MORN1: variants seen among roughly 807,000 people sequenced by gnomAD.
The protein encoded by MORN1 is MORN repeat-containing protein 1.
MORN1 carries 67 observed loss-of-function variants against 61.9 expected under a neutral mutation model. The ratio of observed to expected loss-of-function variants is 1.08; its 90% confidence interval spans 0.89 to 1.33. MORN1 has a LOEUF of 1.33. MORN1 is among the 40% of genes most tolerant of loss of function. MORN1 has a pLI of 0.00. For missense variants in MORN1, 752 were observed against 691.2 expected (o/e 1.09, Z -0.99); for synonymous variants, 301 against 292.0 (o/e 1.03, Z -0.31).
intron 12 of MORN1, chr1:2,326,326 GAGA>G (rs1641025493): frequency 6.6e-6 from 1 of 152,220 alleles, no homozygotes; most frequent in African/African-American, 2.4e-5. Flanking sequence ...ATTCAGCACC[GAGA>G]AGAACTAGTC....
chr1:2,323,666 G>A lies in MORN1; in HGVS notation c.1297+431C>T, dbSNP rs977673048. ...TTGCTGTCCCCACAGCAGCCCCCAC[G>A]CTGGGAGGAGCCTTCCGCCCAGCCC... On this transcript the variant is annotated intron_variant, in intron 13 of 13. Transcript: ENST00000378531. 39 of 985,032 alleles carry A rather than the reference G, an allele frequency of 4.0e-5. No individual in the cohort carries two copies. The Admixed American group carries it at 5.5e-4, about 14-fold the overall frequency. The allele number at this position is 985,032 out of a possible 1,614,324, so 61.0% of individuals were successfully genotyped here.
rs1641307043 is a variant in MORN1, at chr1:2,337,546, ACAGATGGAGCTGCAGCCCC to A, written c.1037-715_1037-697del. Among the ~76,000 whole-genome samples the A allele has an allele frequency of 6.6e-6, 1 of 152,138 alleles. No individual in the cohort carries two copies. Among genetic ancestry groups the A allele is most frequent in the African/African-American group, 2.4e-5 (1 of 41,426 alleles). On this transcript the variant is annotated intron_variant, in intron 10 of 13. Coordinates refer to ENST00000378531, the MANE Select transcript of MORN1 (RefSeq NM_024848.3). The surrounding 1 kb of genome is among the most constrained non-coding windows in gnomAD (Gnocchi z 5.7). ...GGCTCCCCTCTGGCTTCCCCCACGCACAGATGGAGCTGCAGCCCCCAGGGCCCACCCTGCTGTCTCTTTT... is the reference window on the plus strand; with the variant it reads ...GGCTCCCCTCTGGCTTCCCCCACGCACAGGGCCCACCCTGCTGTCTCTTTT...
chr1:2,370,628 T>C (rs2100333520), intron 8 of MORN1, among the ~76,000 whole-genome samples: 1 of 152,172 alleles, frequency 6.6e-6, no homozygotes, highest in Admixed American at 6.5e-5. Flanking sequence ...TAAAGAACTC[T>C]ATAGCTAAAA....
intron 12 of MORN1, among the ~76,000 whole-genome samples, chr1:2,333,551 C>T (rs1185557637): frequency 1.3e-5 from 2 of 152,198 alleles, no homozygotes; most frequent in Admixed American, 6.5e-5. Context: ...AGGGAGGTCT[C>T]GGACCTCAGG....
chr1:2,350,818 C>T (rs1641628677), intron 10 of MORN1: 1 of 152,258 alleles, frequency 6.6e-6, no homozygotes, highest in African/African-American at 2.4e-5. Flanking sequence ...CCCCGGCTGT[C>T]GCCCTGAGCT....
intron 8 of MORN1, chr1:2,362,995 G>C (rs1476001869): frequency 2.0e-5 from 3 of 152,198 alleles, no homozygotes; most frequent in Non-Finnish European, 4.4e-5. Flanking sequence ...AGAGCAGATG[G>C]AAATATGGAC....
intron 2 of MORN1, among the ~76,000 whole-genome samples, chr1:2,389,178 G>A (rs1642583260): frequency 6.6e-6 from 1 of 152,178 alleles, no homozygotes; most frequent in African/African-American, 2.4e-5. Context: ...TGCGTGAGAG[G>A]AGTACAGTGG....
At chr1:2,342,622 C>G (rs1387715758) in intron 10 of MORN1, among the ~76,000 whole-genome samples, 1 of 152,000 alleles carries the variant, frequency 6.6e-6, no homozygotes, top group Non-Finnish European at 1.5e-5. Context: ...CTGTCCCCAG[C>G]CCCGGGCTTC....
At chr1:2,343,338 T>C (rs1256441072) in intron 10 of MORN1, among the ~76,000 whole-genome samples, 1 of 152,120 alleles carries the variant, frequency 6.6e-6, no homozygotes, top group Non-Finnish European at 1.5e-5. Context: ...AAGCTGTCTG[T>C]GTAGCTGCCA....
intron 10 of MORN1, among the ~76,000 whole-genome samples, chr1:2,342,734 T>C (rs7542519): frequency 0.22 from 32,923 of 152,110 alleles, 3,781 homozygotes; most frequent in Middle Eastern, 0.39. Context: ...GGGCCAGCAC[T>C]GTGCCTGGCC....
At chr1:2,329,993 G>A (rs1641115929) in intron 12 of MORN1, among the ~76,000 whole-genome samples, 1 of 152,310 alleles carries the variant, frequency 6.6e-6, no homozygotes, top group Admixed American at 6.5e-5. Flanking sequence ...GGGGAGCTCC[G>A]GGTGAGGGGG....
chr1:2,368,130 C>T (rs1642036388), intron 8 of MORN1, among the ~76,000 whole-genome samples: 1 of 152,310 alleles, frequency 6.6e-6, no homozygotes, highest in African/African-American at 2.4e-5. Flanking sequence ...AATGTATTTG[C>T]AAATTAGATA....
rs1570047994 is a variant in MORN1, at chr1:2,385,080, C to A, written c.450-15G>T. 2 of 1,575,146 alleles carry A rather than the reference C, an allele frequency of 1.3e-6. No individual in the cohort carries two copies. Among genetic ancestry groups the A allele is most frequent in the Non-Finnish European group, 1.7e-6 (2 of 1,160,918 alleles). On this transcript the variant is annotated splice_polypyrimidine_tract_variant and intron_variant, in intron 5 of 13. Transcript: ENST00000378531. ...TGTCACCGTTCCTGGGGGACACACGCACGGAGTCCACTCTCAACAGGGGGA... is the reference window on the plus strand; with the variant it reads ...TGTCACCGTTCCTGGGGGACACACGAACGGAGTCCACTCTCAACAGGGGGA...
chr1:2,350,934 C>T (rs72642166), intron 10 of MORN1: 28,353 of 152,458 alleles, frequency 0.19, 2,901 homozygotes, highest in Non-Finnish European at 0.24. Context: ...GCCTCCTTCT[C>T]TCCCTCCTCT....
intron 13 of MORN1, chr1:2,322,385 G>T (rs1034614257): frequency 1.0e-6 from 1 of 985,218 alleles, no homozygotes; most frequent in Non-Finnish European, 1.2e-6. Context: ...GGCTCACACC[G>T]CAAGGCAGAG....
intron 1 of MORN1, among the ~76,000 whole-genome samples, 182 bp downstream of exon 1, chr1:2,391,276 G>A (rs1357062256): frequency 6.6e-6 from 1 of 152,160 alleles, no homozygotes; most frequent in African/African-American, 2.4e-5. Flanking sequence ...GGTGCGAGCC[G>A]AGCCCGAGGC....
At chr1:2,322,385 G>A (rs1034614257) in intron 13 of MORN1, 2 of 985,218 alleles carry the variant, frequency 2.0e-6, no homozygotes, top group Non-Finnish European at 2.4e-6. Context: ...GGCTCACACC[G>A]CAAGGCAGAG....
At chr1:2,346,301 C>T (rs1426220158) in intron 10 of MORN1, among the ~76,000 whole-genome samples, 15 of 152,240 alleles carry the variant, frequency 9.9e-5, no homozygotes, top group Admixed American at 9.8e-4. Flanking sequence ...TGCTGGGAGG[C>T]TGAGGCAGGA....
chr1:2,385,878 G>T lies in MORN1; in HGVS notation c.378C>A (p.Asp126Glu). The T allele has an allele frequency of 6.2e-7, 1 of 1,613,940 alleles. No individual in the cohort carries two copies. The highest frequency in any genetic ancestry group is 8.5e-7 in the Non-Finnish European group (1 of 1,180,006). Residue 126 changes from aspartate (D) to glutamate (E), a missense_variant, in exon 5 of 14, where the codon GAC (aspartate) becomes GAA (glutamate). By Grantham distance (45) the Asp-to-Glu change is conservative. Transcript: ENST00000378531. ...AGCCCTGGTACACTTGTCCATCCCG[G>T]TCCACCAGAAACCCGTGTCCTGGAG... ...GMREGHGFLV[D>E]RDGQVYQGSF...
Sources: allele counts gnomAD v4.1 joint callset (sites outside exome capture counted in the v4.1 genomes callset), GRCh38; gene constraint gnomAD v4.1.1; non-coding constraint Gnocchi (gnomAD v3.1); transcripts MANE v1.5; gene names NCBI Gene and HGNC (gene_info 2026-07-23, HGNC 2026-07-21).